The following IGF2R variants were observed in gnomAD, a reference collection of about 807,000 sequenced individuals.
IGF2R encodes the protein cation-independent mannose-6-phosphate receptor.
A neutral mutation model predicts 270.6 loss-of-function variants in IGF2R; 91 were observed. The ratio of observed to expected loss-of-function variants is 0.34; its 90% CI spans 0.28 to 0.40. IGF2R has a LOEUF of 0.40. IGF2R is among the 10% of genes least tolerant of loss of function. The pLI, the probability that IGF2R is intolerant of heterozygous loss-of-function variation, is 1.00. For synonymous variants in IGF2R, 1,316 were observed against 1,258.9 expected, an observed-to-expected ratio of 1.05 and a Z score of -0.96; for missense variants, 2,805 against 3,188.3, an observed-to-expected ratio of 0.88 and a Z score of 2.90.
intron 13 of IGF2R, among the ~76,000 whole-genome samples, chr6:160,045,374 A>G (rs1168842881): frequency 6.6e-6 from 1 of 152,192 alleles, no homozygotes; most frequent in African/African-American, 2.4e-5. Context: ...TTATATGGTA[A>G]AATATACAAC....
At position 160,093,917 on chromosome 6, in the gene IGF2R, A is replaced by G. The variant is rs139405417; in HGVS notation, c.6656-2522A>G. 63 of 714,420 alleles carry G rather than the reference A, an allele frequency of 8.8e-5. No homozygotes were observed. In the African/African-American group the frequency reaches 1.0e-3, roughly 11 times the overall value. 44.3% of individuals were successfully genotyped at this position (714,420 alleles called of 1,614,324 possible). ...GGCTGATCAGCATGGGGACAGTGCCATATCTTTATCACAGACTTTGCTAAG... is the reference window on the plus strand; with the variant it reads ...GGCTGATCAGCATGGGGACAGTGCCGTATCTTTATCACAGACTTTGCTAAG... On this transcript the variant is annotated intron_variant, in intron 44 of 47. Coordinates refer to ENST00000356956, the MANE Select transcript of IGF2R (RefSeq NM_000876.4).
At chr6:160,024,006 T>A (rs1361364054) in intron 4 of IGF2R, among the ~76,000 whole-genome samples, 1 of 152,028 alleles carries the variant, frequency 6.6e-6, no homozygotes, top group African/African-American at 2.4e-5. Flanking sequence ...AGGTGGAGAA[T>A]GATCAGTAGC....
At chr6:160,055,110 C>T (rs1423764044) in intron 19 of IGF2R, among the ~76,000 whole-genome samples, 1 of 152,114 alleles carries the variant, frequency 6.6e-6, no homozygotes, top group Non-Finnish European at 1.5e-5. Context: ...TACACACTCT[C>T]CTTGGGTTCA....
At chr6:160,100,983 G>A (rs1192815461) in intron 45 of IGF2R, among the ~76,000 whole-genome samples, 2 of 150,218 alleles carry the variant, frequency 1.3e-5, no homozygotes, top group African/African-American at 4.9e-5. Context: ...GTAGAGATGG[G>A]GTTTCACCAT....
At chr6:159,979,819 A>G (rs1783751701) in intron 1 of IGF2R, among the ~76,000 whole-genome samples, 1 of 152,194 alleles carries the variant, frequency 6.6e-6, no homozygotes, top group Middle Eastern at 3.2e-3. Context: ...AGCTGTGGCC[A>G]GATCACAGAG....
At chr6:160,002,174 T>G (rs1035168662) in intron 2 of IGF2R, among the ~76,000 whole-genome samples, 1 of 152,122 alleles carries the variant, frequency 6.6e-6, no homozygotes, top group Admixed American at 6.5e-5. Flanking sequence ...GAGGATCACT[T>G]GAGCCCAGAA....
At chr6:160,069,712 C>T (rs1042571598) in intron 30 of IGF2R, among the ~76,000 whole-genome samples, 156 bp from the exon 31 acceptor site, 2 of 152,212 alleles carry the variant, frequency 1.3e-5, no homozygotes, top group African/African-American at 4.8e-5. Context: ...ATGTCATTGT[C>T]ATCTGACTTA....
intron 1 of IGF2R, among the ~76,000 whole-genome samples, chr6:159,970,718 G>A (rs1339970421): frequency 6.6e-6 from 1 of 152,194 alleles, no homozygotes; most frequent in African/African-American, 2.4e-5. Context: ...CAGCTTAAAC[G>A]AGGTCAGGCT....
At chr6:160,046,206 G>A (rs150926407) in intron 14 of IGF2R, among the ~76,000 whole-genome samples, 46 of 152,286 alleles carry the variant, frequency 3.0e-4, no homozygotes, top group African/African-American at 1.1e-3. Flanking sequence ...TATCATGCTC[G>A]TCCTACTTTG....
chr6:160,041,733 C>T (rs754047383), intron 11 of IGF2R, among the ~76,000 whole-genome samples: 6 of 152,294 alleles, frequency 3.9e-5, no homozygotes, highest in Non-Finnish European at 8.8e-5. Context: ...CACTGTGAAC[C>T]GCCTGGGCAG....
intron 20 of IGF2R, 137 bp downstream of exon 20, chr6:160,056,662 T>G: frequency 1.5e-6 from 1 of 658,016 alleles, no homozygotes; most frequent in Non-Finnish European, 2.7e-6. Flanking sequence ...AATGGGTGTC[T>G]GCAGGTCACC....
At chr6:160,058,323 C>T (rs944663766) in intron 21 of IGF2R, among the ~76,000 whole-genome samples, 199 bp downstream of exon 21, 2 of 152,174 alleles carry the variant, frequency 1.3e-5, no homozygotes, top group African/African-American at 2.4e-5. Flanking sequence ...ACAGTTCAGA[C>T]GTGAAGACTG....
In IGF2R at chr6:160,063,715, G is replaced by A. The variant is rs8191854; in HGVS notation, c.3886+85G>A. 3,183 of 985,124 alleles carry A rather than the reference G, an allele frequency of 3.2e-3. 79 individuals carry two copies. In the African/African-American group the frequency reaches 0.045, roughly 14 times the overall value. 61.0% of individuals were successfully genotyped at this position (985,124 alleles called of 1,614,324 possible). On this transcript the variant is annotated intron_variant, in intron 27 of 47. Transcript: ENST00000356956. Reference sequence around the variant, plus strand: ...TTTTGCTGAAGATGAATTTTCCCTTGAGTCAGAAACATGAGTGTTCTACTG... The same window carrying A: ...TTTTGCTGAAGATGAATTTTCCCTTAAGTCAGAAACATGAGTGTTCTACTG...
At chr6:160,035,333 G>A (rs542228849) in intron 10 of IGF2R, among the ~76,000 whole-genome samples, 6 of 152,330 alleles carry the variant, frequency 3.9e-5, no homozygotes, top group South Asian at 4.1e-4. Flanking sequence ...GGGTGGCTTG[G>A]TTACAGGATG....
In IGF2R at chr6:160,057,984, T is replaced by C. The variant is rs370287694; in HGVS notation, c.2797-39T>C. The C allele has an allele frequency of 6.1e-6, 8 of 1,306,184 alleles. No homozygotes were observed. The African/African-American group carries it at 1.0e-4, about 17-fold the overall frequency. 80.9% of individuals were successfully genotyped at this position (1,306,184 alleles called of 1,614,324 possible). A position where few individuals can be genotyped will look rare whatever the true frequency, so the allele number is the denominator to read the frequency against. ...GTATGTTATGTTCCTGTGGAATTGG[T>C]TTGAATGCGCCCCTTTTTCCCCATT... On this transcript the variant is annotated intron_variant, in intron 20 of 47. Coordinates refer to ENST00000356956, the MANE Select transcript of IGF2R (RefSeq NM_000876.4).
chr6:160,089,150 C>G lies in IGF2R; in HGVS notation c.6364C>G (p.Arg2122Gly). The G allele has an allele frequency of 6.2e-7, 1 of 1,614,080 alleles. No individual in the cohort carries two copies. Among genetic ancestry groups the G allele is most frequent in the Non-Finnish European group, 8.5e-7 (1 of 1,179,964 alleles). The stretch of plus-strand genomic sequence containing the variant: ...CACTTACTACTTCAGCTGGGACTCC[C>G]GGGCTGCCTGCGCCGTGAAGCCTCA... ...SCTYYFSWDS[R>G]AACAVKPQEV... The change falls in exon 43 of 48, where the codon CGG (arginine) becomes GGG (glycine). Residue 2122 changes from arginine (R) to glycine (G), a missense_variant. Physicochemically the swap from Arg to Gly is moderately radical, Grantham distance 125. Transcript: ENST00000356956.
At chr6:160,086,033 A>G (rs1451907127) in intron 41 of IGF2R, among the ~76,000 whole-genome samples, 1 of 152,174 alleles carries the variant, frequency 6.6e-6, no homozygotes, top group African/African-American at 2.4e-5. Flanking sequence ...TGCAGTATAT[A>G]TGGATATTCG....
chr6:160,060,451 G>A (rs1778410891), intron 22 of IGF2R, 96 bp from the exon 23 acceptor site: 2 of 1,216,470 alleles, frequency 1.6e-6, no homozygotes, highest in Non-Finnish European at 2.4e-6. Context: ...GAAGCTTGTT[G>A]CCAGTGGCAG....
chr6:160,080,986 C>T (rs984540300), intron 39 of IGF2R, among the ~76,000 whole-genome samples: 55 of 150,536 alleles, frequency 3.7e-4, no homozygotes, highest in African/African-American at 1.3e-3. Context: ...ATTAGCTGGG[C>T]GTGGTGGCGG....
Sources: allele counts gnomAD v4.1 joint callset (sites outside exome capture counted in the v4.1 genomes callset), GRCh38; gene constraint gnomAD v4.1.1; transcripts MANE v1.5; gene names NCBI Gene and HGNC (gene_info 2026-07-23, HGNC 2026-07-21).